Variants in PCDH15 observed in about 807,000 individuals in gnomAD.
The protein encoded by PCDH15 is protocadherin related 15.
A neutral mutation model predicts 178.5 loss-of-function variants in PCDH15; 129 were observed. That is an observed-to-expected ratio of 0.72 (90% CI 0.63 to 0.84). The LOEUF (loss-of-function observed/expected upper bound fraction) is 0.84, where lower values mean the gene tolerates loss of function less well. Ranked by LOEUF, PCDH15 falls within the 40% of genes least tolerant of loss-of-function variation. PCDH15 has a pLI of 0.00. For missense variants in PCDH15, 2,230 were observed against 2,099.9 expected (o/e 1.06, Z -1.21); for synonymous variants, 800 against 732.0 (o/e 1.09, Z -1.50).
chr10:54,186,798 G>A (rs752535912), intron 11 of PCDH15, among the ~76,000 whole-genome samples: 23 of 151,730 alleles, frequency 1.5e-4, no homozygotes, highest in Non-Finnish European at 2.4e-4. Context: ...ACTAGAAAGC[G>A]GGATATTCTA....
intron 2 of PCDH15, among the ~76,000 whole-genome samples, chr10:54,539,762 T>A (rs1047636357): frequency 6.6e-6 from 1 of 152,030 alleles, no homozygotes; most frequent in Non-Finnish European, 1.5e-5. Flanking sequence ...CAAAAGAAGG[T>A]CTTTCCATAA....
chr10:53,996,765 A>G (rs921231411), intron 20 of PCDH15, among the ~76,000 whole-genome samples: 1 of 152,146 alleles, frequency 6.6e-6, no homozygotes, highest in Non-Finnish European at 1.5e-5. Context: ...ATTTATTTAT[A>G]ATATTTTAAT....
At chr10:55,128,634 G>A (rs1837963828) in intron 2 of PCDH15, among the ~76,000 whole-genome samples, 1 of 151,966 alleles carries the variant, frequency 6.6e-6, no homozygotes, top group African/African-American at 2.4e-5. Context: ...TCTCCTGACT[G>A]TCATACACTT....
At chr10:54,962,073 C>A (rs151042313) in intron 2 of PCDH15, among the ~76,000 whole-genome samples, 56 of 152,350 alleles carry the variant, frequency 3.7e-4, no homozygotes, top group African/African-American at 1.1e-3. Flanking sequence ...CACATAACCT[C>A]ATTCTTCCTG....
At chr10:53,940,540 T>C (rs111282260) in intron 24 of PCDH15, among the ~76,000 whole-genome samples, 17 of 152,284 alleles carry the variant, frequency 1.1e-4, no homozygotes, top group African/African-American at 4.1e-4. Flanking sequence ...GCAATGATCA[T>C]GGCCAAAAGC....
At chr10:55,288,134 GTAAA>G (rs1842918864) in intron 1 of PCDH15, among the ~76,000 whole-genome samples, 1 of 150,304 alleles carries the variant, frequency 6.7e-6, no homozygotes, top group South Asian at 2.1e-4. Flanking sequence ...TTTTCACATT[GTAAA>G]ATGCTACTGA....
chr10:55,259,478 C>T (rs1355624032), intron 1 of PCDH15, among the ~76,000 whole-genome samples: 1 of 152,116 alleles, frequency 6.6e-6, no homozygotes, highest in Non-Finnish European at 1.5e-5. Context: ...ATCCGAAAGG[C>T]AATCATTTTA....
intron 10 of PCDH15, among the ~76,000 whole-genome samples, chr10:54,200,531 G>C (rs944546347): frequency 3.7e-4 from 57 of 152,010 alleles, no homozygotes; most frequent in African/African-American, 1.4e-3. Flanking sequence ...ACCTTCATCT[G>C]TATTCACCCT....
chr10:55,603,958 TAA>T (rs1418775935), intron 2 of PCDH15, among the ~76,000 whole-genome samples: 2 of 136,922 alleles, frequency 1.5e-5, no homozygotes, highest in Non-Finnish European at 3.1e-5. Context: ...GCAAATTGGA[TAA>T]AGAGTCAAGA....
intron 3 of PCDH15, among the ~76,000 whole-genome samples, chr10:54,508,271 T>C (rs968211652): frequency 3.9e-4 from 60 of 152,060 alleles, no homozygotes; most frequent in African/African-American, 1.4e-3. Flanking sequence ...ACAGAGTAGA[T>C]ATCCTTATCT....
At chr10:54,981,141 G>C (rs972466689) in intron 2 of PCDH15, among the ~76,000 whole-genome samples, 1 of 152,094 alleles carries the variant, frequency 6.6e-6, no homozygotes. Context: ...ACAAAGGAAT[G>C]CTGCAACAAA....
intron 2 of PCDH15, among the ~76,000 whole-genome samples, chr10:55,463,016 C>A (rs897401403): frequency 2.7e-5 from 4 of 150,864 alleles, no homozygotes; most frequent in African/African-American, 4.9e-5. Flanking sequence ...CCACATTAAT[C>A]TCTTTGTATG....
chr10:55,253,151 A>G (rs532141751), intron 1 of PCDH15, among the ~76,000 whole-genome samples: 1 of 152,028 alleles, frequency 6.6e-6, no homozygotes, highest in African/African-American at 2.4e-5. Flanking sequence ...AAACAATTCA[A>G]CTGAGGAGAA....
rs116927306 is a variant in PCDH15 at position 54,711,245 on chromosome 10, A to C, written c.-28-46955T>G. On this transcript the variant is annotated intron_variant, in intron 1 of 37. Transcript: ENST00000644397. ...CTATCATTTAACGTTTCAAACAAAAATGATATCTTTCCTCTGATACTTCAA... is the reference window on the plus strand; with the variant it reads ...CTATCATTTAACGTTTCAAACAAAACTGATATCTTTCCTCTGATACTTCAA... Among the ~76,000 whole-genome samples the C allele has an allele frequency of 7.9e-5, 12 of 152,126 alleles. No individual in the cohort carries two copies. In the East Asian group the frequency reaches 2.3e-3, roughly 29 times the overall value.
At chr10:55,399,342 A>T (rs1838007362) in intron 2 of PCDH15, among the ~76,000 whole-genome samples, 1 of 152,154 alleles carries the variant, frequency 6.6e-6, no homozygotes, top group Admixed American at 6.6e-5. Flanking sequence ...CTGCCACTGG[A>T]AACACTACAA....
intron 2 of PCDH15, among the ~76,000 whole-genome samples, chr10:55,433,300 C>A (rs1428788966): frequency 2.6e-5 from 4 of 152,086 alleles, no homozygotes; most frequent in Non-Finnish European, 5.9e-5. Flanking sequence ...CCTTTGCAGG[C>A]AACATGGATG....
At chr10:54,720,329 A>G (rs1377602283) in intron 1 of PCDH15, among the ~76,000 whole-genome samples, 2 of 152,106 alleles carry the variant, frequency 1.3e-5, no homozygotes, top group South Asian at 2.1e-4. Context: ...TAGTAGATAA[A>G]TTGGAAAAGC....
At chr10:54,673,230 A>C (rs1372205641) in intron 1 of PCDH15, among the ~76,000 whole-genome samples, 13 of 142,542 alleles carry the variant, frequency 9.1e-5, no homozygotes, top group African/African-American at 2.1e-4. Context: ...TAACCTCCCC[A>C]CCCCCGCGAC....
chr10:54,772,523 A>G (rs1949213888), intron 1 of PCDH15, among the ~76,000 whole-genome samples: 1 of 152,154 alleles, frequency 6.6e-6, no homozygotes, highest in Admixed American at 6.5e-5. Context: ...AAAGCTCAAC[A>G]TCACTGATCA....
Sources: gnomAD v4.1 joint callset for allele counts (sites outside exome capture counted in the v4.1 genomes callset) on GRCh38, gnomAD v4.1.1 for gene constraint, MANE v1.5 for transcripts, NCBI Gene and HGNC (gene_info 2026-07-23, HGNC 2026-07-21) for gene names.